Variants in MET observed in about 807,000 individuals in gnomAD.
MET encodes MET proto-oncogene, receptor tyrosine kinase.
MET carries 48 observed loss-of-function variants against 133.1 expected under a neutral mutation model. That is an observed-to-expected ratio of 0.36 (90% CI 0.29 to 0.46). The LOEUF (loss-of-function observed/expected upper bound fraction) is 0.46. MET is among the 20% of genes least tolerant of loss of function. The pLI is 1.00. For synonymous variants in MET, 628 were observed against 616.5 expected (o/e 1.02, Z -0.28); for missense variants, 1,442 against 1,695.9 (o/e 0.85, Z 2.63).
rs2116921387 is a variant in MET, at chr7:116,757,536, T to C, written c.1962T>C (p.Tyr654=). The change falls in exon 7 of 21, where the codon TAT becomes TAC. Residue 654 remains tyrosine (Y), a synonymous_variant. Coordinates refer to ENST00000397752, the MANE Select transcript of MET (RefSeq NM_000245.4). ...CAACACAATACAGTACATTCTCCTATGTGGTAAGGAAGATTCTATCCTATC... is the reference window on the plus strand; with the variant it reads ...CAACACAATACAGTACATTCTCCTACGTGGTAAGGAAGATTCTATCCTATC... ...HGTTQYSTFS[Y]VDPVITSISP... is the part of the protein sequence containing the mutation. 2 of 1,613,402 alleles carry C rather than the reference T, an allele frequency of 1.2e-6. No homozygotes were observed. The highest frequency in any genetic ancestry group is 1.7e-6 in the Non-Finnish European group (2 of 1,179,388).
At chr7:116,717,196 A>G (rs548403312) in intron 2 of MET, among the ~76,000 whole-genome samples, 1 of 152,362 alleles carries the variant, frequency 6.6e-6, no homozygotes, top group East Asian at 1.9e-4. Flanking sequence ...AGGACCCCAA[A>G]GAGAAGGATC....
chr7:116,700,463 A>G (rs1299446291), intron 2 of MET, among the ~76,000 whole-genome samples, 179 bp downstream of exon 2: 1 of 143,842 alleles, frequency 7.0e-6, no homozygotes, highest in Non-Finnish European at 1.6e-5. Flanking sequence ...CTAAAATTAT[A>G]TCTTTAAAAT....
Position 116,672,591 on chromosome 7 carries a change from C to G in MET, c.-15+14C>G. 2.6e-6 allele frequency: 1 copy of G among 386,690 alleles called. No homozygotes were observed. 24.0% of individuals were successfully genotyped at this position (386,690 alleles called of 1,614,324 possible). A position where few individuals can be genotyped will look rare whatever the true frequency, so the allele number is the denominator to read the frequency against. On this transcript the variant is annotated intron_variant, in intron 1 of 20. Transcript: ENST00000397752. ...GGGCACCGAAAGGTAAAATTGCAGC[C>G]CCTTTCAGATCCAGTACCCAATCCC...
rs73471130 is a variant in MET at position 116,781,747 on chromosome 7, C to T, written c.3523-241C>T. Among the ~76,000 whole-genome samples the T allele has an allele frequency of 0.017, 2,606 of 152,070 alleles. 74 individuals are homozygous for T. The highest frequency in any genetic ancestry group is 0.058 in the African/African-American group (2,426 of 41,476). On this transcript the variant is annotated intron_variant, in intron 17 of 20. Transcript: ENST00000397752. ...CACACCAGGCTAATTTTTTTGTGGG[C>T]GGTGGATGGGAGTAAAGACAGGATC...
chr7:116,716,470 A>AAAGAAAGAAAGAAAGAAAGAAAGG (rs1562893262), intron 2 of MET, among the ~76,000 whole-genome samples: 21 of 20,120 alleles, frequency 1.0e-3, no homozygotes, highest in African/African-American at 5.1e-3. Flanking sequence ...AAAGAAAGAG[A>AAAGAAAGAAAGAAAGAAAGAAAGG]AAGAAAGAAA....
chr7:116,722,913 C>T (rs1792558216), intron 2 of MET, among the ~76,000 whole-genome samples: 1 of 148,428 alleles, frequency 6.7e-6, no homozygotes, highest in South Asian at 2.2e-4. Flanking sequence ...CTGCCCTTAA[C>T]ATTTTTTCCT....
intron 1 of MET, among the ~76,000 whole-genome samples, chr7:116,690,555 G>A (rs1042717998): frequency 1.3e-5 from 2 of 152,176 alleles, no homozygotes; most frequent in African/African-American, 2.4e-5. Flanking sequence ...GTCTGGCTAC[G>A]ATAGAAGGGA....
At chr7:116,724,735 A>G (rs1359105842) in intron 2 of MET, 1 of 964,932 alleles carries the variant, frequency 1.0e-6, no homozygotes, top group African/African-American at 1.7e-5. Flanking sequence ...CTGGAAGAGA[A>G]TTTCGAAATC....
chr7:116,751,769 T>C lies in MET; in HGVS notation c.1702-3586T>C, dbSNP rs534546602. Among the ~76,000 whole-genome samples the C allele has an allele frequency of 1.7e-4, 26 of 152,158 alleles. 2 individuals are homozygous for C. The East Asian group carries it at 4.8e-3, about 28-fold the overall frequency. On this transcript the variant is annotated intron_variant, in intron 5 of 20. Transcript: ENST00000397752. Reference sequence around the variant, plus strand: ...GATGCAGTTATCATATCTTGTAAGGTTGAAAATTCAGGCCGGGCGTGGTGG... The same window carrying C: ...GATGCAGTTATCATATCTTGTAAGGCTGAAAATTCAGGCCGGGCGTGGTGG...
At chr7:116,782,912 C>T (rs1795197108) in intron 18 of MET, among the ~76,000 whole-genome samples, 1 of 152,174 alleles carries the variant, frequency 6.6e-6, no homozygotes, top group Non-Finnish European at 1.5e-5. Context: ...TCATGCTCTC[C>T]CATAAAACTG....
chr7:116,754,846 AG>A (rs1333556847), intron 5 of MET, among the ~76,000 whole-genome samples: 5 of 149,780 alleles, frequency 3.3e-5, no homozygotes, highest in Non-Finnish European at 7.4e-5. Flanking sequence ...GAAGGAAGAA[AG>A]GAAGGGAGGG....
intron 7 of MET, 39 bp downstream of exon 7, chr7:116,757,578 T>G: frequency 6.2e-7 from 1 of 1,612,546 alleles, no homozygotes; most frequent in Non-Finnish European, 8.5e-7. Flanking sequence ...GATTTTTACT[T>G]AATCTATTTA....
chr7:116,785,240 C>A lies in MET; in HGVS notation c.3798+1771C>A, dbSNP rs530487782. 7.2e-5 allele frequency among the ~76,000 whole-genome samples: 11 copies of A among 152,334 alleles called. No individual in the cohort carries two copies. In the South Asian group the frequency reaches 2.1e-3, roughly 29 times the overall value. On this transcript the variant is annotated intron_variant, in intron 19 of 20. Transcript: ENST00000397752. ...CTGCAGCTTTTCCAGGCACACGGTG[C>A]AAACTGTCAGTGGATCTACCTTTCT...
Position 116,766,709 on chromosome 7 carries a change from C to T in MET, c.2584-2936C>T, listed in dbSNP as rs559442566. ...ACTCTCAAACTAGTATTTCTTTGTGCTGCCCAGGTTAATGGGCATTCTGCA... is the reference window on the plus strand; with the variant it reads ...ACTCTCAAACTAGTATTTCTTTGTGTTGCCCAGGTTAATGGGCATTCTGCA... On this transcript the variant is annotated intron_variant, in intron 11 of 20. Transcript: ENST00000397752. Among the ~76,000 whole-genome samples the T allele has an allele frequency of 9.9e-5, 15 of 152,250 alleles. No individual in the cohort carries two copies. In the South Asian group the frequency reaches 2.9e-3, roughly 29 times the overall value.
chr7:116,763,931 T>C (rs1794509634), intron 11 of MET, among the ~76,000 whole-genome samples: 1 of 152,174 alleles, frequency 6.6e-6, no homozygotes, highest in Non-Finnish European at 1.5e-5. Context: ...CTTCAAATAA[T>C]AACACAGGCA....
rs142954535 is a variant in MET at position 116,714,745 on chromosome 7, G to GCACACACA, written c.1200+14486_1200+14493dup. The stretch of plus-strand genomic sequence containing the variant: ...TATACAGTTAAACACTCACATGCAC[G>GCACACACA]CACACACACACACACACACACACAC... On this transcript the variant is annotated intron_variant, in intron 2 of 20. Transcript: ENST00000397752. 7.5e-3 allele frequency among the ~76,000 whole-genome samples: 1,087 copies of GCACACACA among 145,104 alleles called. 5 individuals carry two copies. The highest frequency in any genetic ancestry group is 0.012 in the Non-Finnish European group (780 of 66,030).
chr7:116,706,455 G>A (rs1791797692), intron 2 of MET, among the ~76,000 whole-genome samples: 1 of 152,036 alleles, frequency 6.6e-6, no homozygotes, highest in Admixed American at 6.6e-5. Context: ...TATTTTCATT[G>A]ACATAAACAT....
At chr7:116,761,024 T>C (rs933343464) in intron 10 of MET, among the ~76,000 whole-genome samples, 2 of 152,214 alleles carry the variant, frequency 1.3e-5, no homozygotes, top group Admixed American at 1.3e-4. Flanking sequence ...TGAGAAATTA[T>C]TAGTTTATCT....
rs185824789 is a variant in MET, at chr7:116,750,708, C to T, written c.1702-4647C>T. Among the ~76,000 whole-genome samples the T allele has an allele frequency of 1.4e-4, 21 of 152,192 alleles. No homozygotes were observed. The East Asian group carries it at 4.1e-3, about 29-fold the overall frequency. ...ACTAAGGGCTAATATCCAGAATCTA[C>T]AAGGAACTTAAACAAATTTACAAGG... On this transcript the variant is annotated intron_variant, in intron 5 of 20. Transcript: ENST00000397752.
Sources: gnomAD v4.1 joint callset for allele counts (sites outside exome capture counted in the v4.1 genomes callset) on GRCh38, gnomAD v4.1.1 for gene constraint, MANE v1.5 for transcripts, NCBI Gene and HGNC (gene_info 2026-07-23, HGNC 2026-07-21) for gene names.